ZNF728: variants seen among roughly 807,000 people sequenced by gnomAD.
ZNF728 encodes zinc finger protein 728.
Under a neutral mutation model 12.5 loss-of-function variants are expected in ZNF728, and 12 were observed. That is an observed-to-expected ratio of 0.96 (90% CI 0.61 to 1.55). The LOEUF (loss-of-function observed/expected upper bound fraction) is 1.55. ZNF728 is among the 40% of genes most tolerant of loss of function. ZNF728 has a pLI of 0.00. For missense variants in ZNF728, 692 were observed against 719.2 expected, an observed-to-expected ratio of 0.96 and a Z score of 0.43; for synonymous variants, 205 against 240.7, an observed-to-expected ratio of 0.85 and a Z score of 1.37.
intron 1 of ZNF728, among the ~76,000 whole-genome samples, chr19:23,000,881 A>C (rs1432757485): frequency 8.5e-6 from 1 of 118,172 alleles, no homozygotes; most frequent in African/African-American, 5.6e-5. Flanking sequence ...AAAAAAAAAA[A>C]AAAACCAAAA....
At chr19:22,981,516 C>T (rs1968861089) in intron 3 of ZNF728, among the ~76,000 whole-genome samples, 2 of 152,156 alleles carry the variant, frequency 1.3e-5, no homozygotes, top group Non-Finnish European at 2.9e-5. Context: ...GGAAGCCTCC[C>T]TAACTTTGTA....
At chr19:22,979,520 C>T (rs1284132553) in intron 3 of ZNF728, among the ~76,000 whole-genome samples, 5 of 152,086 alleles carry the variant, frequency 3.3e-5, no homozygotes, top group African/African-American at 4.8e-5. Flanking sequence ...GAGAACACCA[C>T]AAAGATACTA....
intron 1 of ZNF728, among the ~76,000 whole-genome samples, chr19:22,990,391 G>A (rs1968974158): frequency 6.6e-6 from 1 of 152,140 alleles, no homozygotes; most frequent in African/African-American, 2.4e-5. Context: ...AGGTCTACCT[G>A]CTGTCACCAC....
At position 22,987,423 on chromosome 19, in the gene ZNF728, TA is replaced by T; in HGVS notation, c.131-21del. The T allele has an allele frequency of 6.3e-7, 1 of 1,587,390 alleles. No individual in the cohort carries two copies. Among genetic ancestry groups the T allele is most frequent in the South Asian group, 1.2e-5 (1 of 86,254 alleles). On this transcript the variant is annotated intron_variant, in intron 2 of 3. Coordinates refer to ENST00000594710, the MANE Select transcript of ZNF728 (RefSeq NM_001267716.2). ...CAATACCTGTTTTATTAAAAATGAG[TA>T]ACATGCATCTTGCTCATATTCTCCA...
At chr19:22,979,675 C>G (rs1968841345) in intron 3 of ZNF728, among the ~76,000 whole-genome samples, 1 of 152,242 alleles carries the variant, frequency 6.6e-6, no homozygotes, top group African/African-American at 2.4e-5. Context: ...CTGCAGAAAC[C>G]CTACAAGCCA....
chr19:22,980,546 A>C (rs1358706749), intron 3 of ZNF728, among the ~76,000 whole-genome samples: 2 of 152,186 alleles, frequency 1.3e-5, no homozygotes, highest in Non-Finnish European at 2.9e-5. Context: ...AGACATCTAC[A>C]GAACTCTTTA....
rs117059421 is a variant in ZNF728 at position 22,975,471 on chromosome 19, C to A, written c.1866G>T (p.Met622Ile). ...ATTGAAAGCTTTGCCACATTTTTCA[C>A]ATTTGTAGGGTTTTTCCTCCAGTAT... ...RIHTGGKTLQM is the reference protein window; with the variant it reads ...RIHTGGKTLQI Residue 622 changes from methionine to isoleucine, a missense_variant, in exon 4 of 4, where the codon ATG (methionine) becomes ATT (isoleucine). Transcript: ENST00000594710. 1.4e-3 allele frequency: 2,105 copies of A among 1,541,796 alleles called. 4 individuals are homozygous for A. The highest frequency in any genetic ancestry group is 1.7e-3 in the Non-Finnish European group (1,986 of 1,148,630).
chr19:22,997,061 G>A (rs937102830), intron 1 of ZNF728, among the ~76,000 whole-genome samples: 3 of 152,136 alleles, frequency 2.0e-5, no homozygotes, highest in African/African-American at 7.2e-5. Flanking sequence ...GTAATAATCA[G>A]AGACTACATC....
intron 1 of ZNF728, 147 bp downstream of exon 1, chr19:23,002,881 C>G: frequency 1.9e-6 from 2 of 1,048,044 alleles, no homozygotes; most frequent in East Asian, 5.5e-5. Flanking sequence ...ATGCCTGAAG[C>G]GGACTGAGGT....
At chr19:22,990,465 G>A (rs1968974915) in intron 1 of ZNF728, among the ~76,000 whole-genome samples, 1 of 151,828 alleles carries the variant, frequency 6.6e-6, no homozygotes, top group Non-Finnish European at 1.5e-5. Context: ...TAGCAGAAGA[G>A]ATGAAGAAAC....
At chr19:22,990,620 G>A (rs1568277093) in intron 1 of ZNF728, among the ~76,000 whole-genome samples, 1 of 152,130 alleles carries the variant, frequency 6.6e-6, no homozygotes, top group African/African-American at 2.4e-5. Context: ...AACAGAACAG[G>A]TTCTTGGACC....
intron 3 of ZNF728, among the ~76,000 whole-genome samples, chr19:22,986,213 A>G (rs289303): frequency 0.31 from 46,513 of 152,024 alleles, 9,236 homozygotes; most frequent in African/African-American, 0.57. Flanking sequence ...ACACCAATGG[A>G]AAAGTATATT....
Position 23,003,100 on chromosome 19 carries a change from G to C in ZNF728, c.-70C>G, listed in dbSNP as rs1695824136. ...AATACCTGCAGGTCACAGGGCCATA[G>C]AAGCTGGGCCTTTAGGAGCGGACGA... is the stretch of plus-strand genomic sequence containing the variant. On this transcript the variant is annotated 5_prime_UTR_variant, in exon 1 of 4. Coordinates refer to ENST00000594710, the MANE Select transcript of ZNF728 (RefSeq NM_001267716.2). 6.6e-7 allele frequency: 1 copy of C among 1,524,508 alleles called. No individual in the cohort carries two copies. The highest frequency in any genetic ancestry group is 1.4e-5 in the African/African-American group (1 of 70,926). The allele number at this position is 1,524,508 out of a possible 1,614,324, so 94.4% of individuals were successfully genotyped here. A position where few individuals can be genotyped will look rare whatever the true frequency, so the allele number is the denominator to read the frequency against.
intron 1 of ZNF728, among the ~76,000 whole-genome samples, chr19:23,001,682 T>C (rs1448599830): frequency 2.6e-5 from 4 of 152,034 alleles, no homozygotes; most frequent in Admixed American, 2.0e-4. Context: ...GAAGAAAAAA[T>C]ATTTACAAAC....
Position 23,003,175 on chromosome 19 carries a change from A to G in ZNF728, c.-145T>C. The G allele has an allele frequency of 1.0e-6, 1 of 989,280 alleles. No homozygotes were observed. Among genetic ancestry groups the G allele is most frequent in the Admixed American group, 2.7e-5 (1 of 36,842 alleles). 61.3% of individuals were successfully genotyped at this position (989,280 alleles called of 1,614,324 possible). A position where few individuals can be genotyped will look rare whatever the true frequency, so the allele number is the denominator to read the frequency against. On this transcript the variant is annotated 5_prime_UTR_variant, in exon 1 of 4. Coordinates refer to ENST00000594710, the MANE Select transcript of ZNF728 (RefSeq NM_001267716.2). ...TGACCTCCGCGTGCAGCGAGAGCCAACGGTCCTACCACATCCCGGAAGCCG... is the reference window on the plus strand; with the variant it reads ...TGACCTCCGCGTGCAGCGAGAGCCAGCGGTCCTACCACATCCCGGAAGCCG...
intron 1 of ZNF728, among the ~76,000 whole-genome samples, chr19:22,998,464 TGA>T (rs1296091956): frequency 6.6e-6 from 1 of 152,140 alleles, no homozygotes; most frequent in Non-Finnish European, 1.5e-5. Flanking sequence ...CCTGAGAGGT[TGA>T]GAGTCAGCAC....
intron 3 of ZNF728, 121 bp from the exon 4 acceptor site, chr19:22,977,231 T>C: frequency 1.1e-6 from 1 of 919,796 alleles, no homozygotes; most frequent in South Asian, 2.1e-5. Flanking sequence ...ACACAGGCCC[T>C]AATTCTTCAC....
At chr19:22,977,353 GA>G (rs1968818273) in intron 3 of ZNF728, among the ~76,000 whole-genome samples, 1 of 151,828 alleles carries the variant, frequency 6.6e-6, no homozygotes. Context: ...GAGCCACATA[GA>G]AAAAAAGAAA....
intron 3 of ZNF728, among the ~76,000 whole-genome samples, chr19:22,983,377 G>A (rs551984462): frequency 6.6e-6 from 1 of 152,290 alleles, no homozygotes; most frequent in African/African-American, 2.4e-5. Context: ...AGAAGATGTG[G>A]AGAAGTAGGA....
Sources: allele counts gnomAD v4.1 joint callset (sites outside exome capture counted in the v4.1 genomes callset), GRCh38; gene constraint gnomAD v4.1.1; transcripts MANE v1.5; gene names NCBI Gene and HGNC (gene_info 2026-07-23, HGNC 2026-07-21).